The following MICAL3 variants were observed in gnomAD, a reference collection of about 807,000 sequenced individuals.
MICAL3 encodes the protein microtubule associated monooxygenase, calponin and LIM domain containing 3.
In MICAL3, 62 loss-of-function variants were observed where a neutral mutation model predicts 207.4. The observed-to-expected ratio is 0.30, with a 90% CI of 0.24 to 0.37. The LOEUF is 0.37. Among genes scored for constraint, MICAL3 ranks in the 10% least tolerant of loss-of-function variants. MICAL3 has a pLI of 1.00. For missense variants in MICAL3, 2,368 were observed against 2,635.6 expected, an observed-to-expected ratio of 0.90 and a Z score of 2.22; for synonymous variants, 1,077 against 1,069.3, an observed-to-expected ratio of 1.01 and a Z score of -0.14.
intron 19 of MICAL3, among the ~76,000 whole-genome samples, chr22:17,858,929 T>C (rs1926217689): frequency 1.3e-5 from 2 of 152,150 alleles, no homozygotes; most frequent in Admixed American, 6.5e-5. Context: ...TATCCATCCT[T>C]ATTACTGACG....
intron 19 of MICAL3, among the ~76,000 whole-genome samples, chr22:17,852,046 C>T (rs564073645): frequency 1.3e-5 from 2 of 152,258 alleles, no homozygotes; most frequent in African/African-American, 2.4e-5. Context: ...ACTCTCAGTC[C>T]GGAATGCATC....
intron 20 of MICAL3, among the ~76,000 whole-genome samples, chr22:17,837,313 C>T (rs924670041): frequency 2.6e-5 from 4 of 152,232 alleles, no homozygotes; most frequent in East Asian, 3.9e-4. Context: ...TCTGAAAGAG[C>T]GGCCTTCTCT....
chr22:17,952,534 G>A (rs1487542342), intron 1 of MICAL3, among the ~76,000 whole-genome samples: 3 of 152,238 alleles, frequency 2.0e-5, no homozygotes, highest in Non-Finnish European at 2.9e-5. Flanking sequence ...GGCTCAGGAA[G>A]CAGCCAATCA....
intron 29 of MICAL3, among the ~76,000 whole-genome samples, chr22:17,806,184 G>T (rs912319194): frequency 6.6e-6 from 1 of 152,196 alleles, no homozygotes; most frequent in African/African-American, 2.4e-5. Context: ...TGTTAGTGAA[G>T]AGGACATTTT....
intron 16 of MICAL3, among the ~76,000 whole-genome samples, chr22:17,883,220 A>C (rs968038460): frequency 1.3e-4 from 20 of 152,220 alleles, no homozygotes; most frequent in African/African-American, 3.6e-4. Flanking sequence ...TACATTTTTC[A>C]GAAGACCTCC....
chr22:17,879,485 C>T, intron 16 of MICAL3: 7 of 1,148,554 alleles, frequency 6.1e-6, no homozygotes, highest in Non-Finnish European at 8.8e-6. Context: ...AATTCAGGGG[C>T]AGAAATGCAG....
At chr22:17,936,490 G>C (rs987755260) in intron 1 of MICAL3, among the ~76,000 whole-genome samples, 3 of 151,672 alleles carry the variant, frequency 2.0e-5, no homozygotes, top group Admixed American at 1.3e-4. Context: ...TGAGTTGATG[G>C]GTGCAGCAAA....
rs75184303 is a variant in MICAL3 at position 17,882,102 on chromosome 22, G to T, written c.2241+3776C>A. 9.2e-3 allele frequency among the ~76,000 whole-genome samples: 1,394 copies of T among 152,252 alleles called. 19 individuals carry two copies. Among genetic ancestry groups the T allele is most frequent in the African/African-American group, 0.031 (1,299 of 41,532 alleles). Reference sequence around the variant, plus strand: ...GGTCTGGGGAAACAGCCCCGTACTCGCTCAGAGCTCCCATGACAATCTACT... The same window carrying T: ...GGTCTGGGGAAACAGCCCCGTACTCTCTCAGAGCTCCCATGACAATCTACT... On this transcript the variant is annotated intron_variant, in intron 16 of 31. Transcript: ENST00000441493.
At chr22:17,968,871 T>C (rs977175331) in intron 1 of MICAL3, among the ~76,000 whole-genome samples, 1 of 152,206 alleles carries the variant, frequency 6.6e-6, no homozygotes, top group African/African-American at 2.4e-5. Context: ...ACATTTTAAA[T>C]AGATTTGTAT....
intron 13 of MICAL3, 77 bp downstream of exon 13, chr22:17,888,957 C>T (rs577555483): frequency 2.0e-6 from 2 of 1,001,210 alleles, no homozygotes; most frequent in East Asian, 2.6e-5. Flanking sequence ...TGCTGCGGGA[C>T]AGTCGGAAGG....
Position 17,906,728 on chromosome 22 carries a change from G to C in MICAL3, c.85C>G (p.Leu29Val), listed in dbSNP as rs752902334. Reference sequence around the variant, plus strand: ...TCACAGAGCTCCTGGAAAGCCTTGAGGGTTCCCTTGCAGGTGGTGGCCTGG... The same window carrying C: ...TCACAGAGCTCCTGGAAAGCCTTGACGGTTCCCTTGCAGGTGGTGGCCTGG... Reference protein sequence around the residue: ...FVQATTCKGTLKAFQELCDHL... With the variant: ...FVQATTCKGTVKAFQELCDHL... The change falls in exon 2 of 32, where the codon CTC becomes GTC. Residue 29 changes from leucine to valine, a missense_variant. Around this residue, in one of 4 missense-constraint regions of MICAL3, gnomAD observed 400 missense variants for 547.0 expected, o/e 0.73. Transcript: ENST00000441493. 2 of 1,613,964 alleles carry C rather than the reference G, an allele frequency of 1.2e-6. No individual in the cohort carries two copies. The highest frequency in any genetic ancestry group is 1.6e-4 in the Middle Eastern group (1 of 6,062).
chr22:17,913,344 G>T (rs1051296134), intron 1 of MICAL3, among the ~76,000 whole-genome samples: 6 of 152,188 alleles, frequency 3.9e-5, no homozygotes, highest in African/African-American at 1.4e-4. Context: ...GACGAGGGTA[G>T]GATGGAGCCC....
intron 17 of MICAL3, among the ~76,000 whole-genome samples, chr22:17,868,671 G>A (rs1240153382): frequency 1.3e-5 from 2 of 151,918 alleles, no homozygotes; most frequent in African/African-American, 4.9e-5. Flanking sequence ...CCAAATTAAG[G>A]AATCCTGATA....
intron 17 of MICAL3, among the ~76,000 whole-genome samples, chr22:17,867,691 C>T (rs1410314052): frequency 2.0e-5 from 3 of 152,130 alleles, no homozygotes; most frequent in East Asian, 3.9e-4. Flanking sequence ...TCGCTGGAGA[C>T]GTTATGGGGA....
chr22:17,878,229 G>C (rs1929067579), intron 16 of MICAL3, among the ~76,000 whole-genome samples: 1 of 152,212 alleles, frequency 6.6e-6, no homozygotes, highest in Non-Finnish European at 1.5e-5. Flanking sequence ...TCTGCAAAAT[G>C]GAGGGCACTG....
chr22:17,939,600 C>T (rs929044397), intron 1 of MICAL3, among the ~76,000 whole-genome samples: 2 of 152,202 alleles, frequency 1.3e-5, no homozygotes, highest in Admixed American at 6.5e-5. Flanking sequence ...ACCCTCTATA[C>T]CTTATGAAGA....
In MICAL3 at chr22:17,817,682, T is replaced by A. The variant is rs1356728155; in HGVS notation, c.4979A>T (p.Glu1660Val). Reference sequence around the variant, plus strand: ...GGTGGCTTCATGCTTCAGGGTGGGCTCCTCGGAGCCCCTGAGAGTGGGGCG... The same window carrying A: ...GGTGGCTTCATGCTTCAGGGTGGGCACCTCGGAGCCCCTGAGAGTGGGGCG... ...PTRPTLRGSE[E>V]PTLKHEATSE... The change falls in exon 26 of 32, where the codon GAG becomes GTG. Residue 1660 changes from glutamate to valine, a missense_variant. By Grantham distance (121) the Glu-to-Val change is moderately radical. Coordinates refer to ENST00000441493, the MANE Select transcript of MICAL3 (RefSeq NM_015241.3). The A allele has an allele frequency of 2.5e-6, 4 of 1,608,020 alleles. No homozygotes were observed. The highest frequency in any genetic ancestry group is 3.4e-6 in the Non-Finnish European group (4 of 1,178,052).
rs989184990 is a variant in MICAL3, at chr22:17,791,148, C to T, written c.5750+54G>A. Reference sequence around the variant, plus strand: ...CTCACCCCCAAATCTGGAAGGACCTCCATGCCGGCTGTGACAAGCATAGCG... The same window carrying T: ...CTCACCCCCAAATCTGGAAGGACCTTCATGCCGGCTGTGACAAGCATAGCG... On this transcript the variant is annotated intron_variant, in intron 30 of 31. Coordinates refer to ENST00000441493, the MANE Select transcript of MICAL3 (RefSeq NM_015241.3). The T allele has an allele frequency of 3.9e-5, 62 of 1,605,922 alleles. No individual in the cohort carries two copies. The African/African-American group carries it at 5.9e-4, about 15-fold the overall frequency.
chr22:18,013,374 C>G (rs1177480813), intron 1 of MICAL3, among the ~76,000 whole-genome samples: 1 of 152,134 alleles, frequency 6.6e-6, no homozygotes, highest in Non-Finnish European at 1.5e-5. Flanking sequence ...TCTTAATAAC[C>G]TCATTTTTCT....
Sources: gnomAD v4.1 joint callset for allele counts (sites outside exome capture counted in the v4.1 genomes callset) on GRCh38, gnomAD v4.1.1 for gene constraint, gnomAD v4.1.1 regional missense constraint, MANE v1.5 for transcripts, NCBI Gene and HGNC (gene_info 2026-07-23, HGNC 2026-07-21) for gene names.